Variants in TEKT3 observed in about 807,000 individuals in gnomAD.
The protein encoded by TEKT3 is tektin-3.
TEKT3 carries 49 observed loss-of-function variants against 49.8 expected under a neutral mutation model. That is an observed-to-expected ratio of 0.98 (90% CI 0.78 to 1.25). TEKT3 has a LOEUF of 1.25. Among genes scored for constraint, TEKT3 ranks in the 50% most tolerant of loss-of-function variants. The pLI is 0.00. For missense variants in TEKT3, 595 were observed against 629.5 expected, an observed-to-expected ratio of 0.95 and a Z score of 0.59; for synonymous variants, 225 against 237.2, an observed-to-expected ratio of 0.95 and a Z score of 0.47.
chr17:15,332,514 C>G (rs230906), intron 2 of TEKT3, among the ~76,000 whole-genome samples: 1 of 152,104 alleles, frequency 6.6e-6, no homozygotes, highest in African/African-American at 2.4e-5. Context: ...TGGCAACTCC[C>G]CGCCCCTGCC....
intron 8 of TEKT3, 27 bp downstream of exon 8, chr17:15,308,637 G>A: frequency 6.3e-7 from 1 of 1,593,814 alleles, no homozygotes; most frequent in African/African-American, 1.3e-5. Flanking sequence ...CTCCGAGCGA[G>A]CCCCGAGCCT....
intron 5 of TEKT3, among the ~76,000 whole-genome samples, chr17:15,316,879 T>C (rs1390646212): frequency 1.3e-5 from 2 of 152,186 alleles, no homozygotes; most frequent in African/African-American, 2.4e-5. Context: ...CACCCTCTGA[T>C]CTGGCCTCGG....
intron 3 of TEKT3, among the ~76,000 whole-genome samples, chr17:15,329,130 C>T (rs1342010255): frequency 6.6e-6 from 1 of 152,176 alleles, no homozygotes. Context: ...CTTACGCCAG[C>T]TCTAAATGTC....
chr17:15,330,506 T>C (rs1476789538), intron 3 of TEKT3, among the ~76,000 whole-genome samples: 1 of 152,098 alleles, frequency 6.6e-6, no homozygotes, highest in Non-Finnish European at 1.5e-5. Context: ...CCTCCCCCGT[T>C]CTCTCTTGCC....
rs149951127 is a variant in TEKT3 at position 15,309,480 on chromosome 17, T to C, written c.1102-662A>G. On this transcript the variant is annotated intron_variant, in intron 7 of 8. Transcript: ENST00000395930. ...CCCCTTTGGTTCTCCCTCCTCTTTC[T>C]CTGTAAAGAGAGTCCCTGTCCTATG... is the stretch of plus-strand genomic sequence containing the variant. Among the ~76,000 whole-genome samples, 639 of 152,262 alleles carry C rather than the reference T, an allele frequency of 4.2e-3. 4 individuals are homozygous for C. The highest frequency in any genetic ancestry group is 0.024 in the Middle Eastern group (7 of 292).
chr17:15,325,474 C>A (rs1454268137), intron 4 of TEKT3, among the ~76,000 whole-genome samples: 1 of 151,970 alleles, frequency 6.6e-6, no homozygotes, highest in African/African-American at 2.4e-5. Context: ...TTTACTCTGC[C>A]TAGTCATTAA....
chr17:15,314,015 A>C, intron 6 of TEKT3, 72 bp downstream of exon 6: 1 of 1,602,282 alleles, frequency 6.2e-7, no homozygotes, highest in South Asian at 1.1e-5. Flanking sequence ...TTAACCTGTA[A>C]GCTGTGTCCT....
At chr17:15,330,359 G>T (rs1197564936) in intron 3 of TEKT3, among the ~76,000 whole-genome samples, 2 of 152,154 alleles carry the variant, frequency 1.3e-5, no homozygotes, top group South Asian at 4.1e-4. Context: ...CACAATGTTG[G>T]GGGTGGGGCC....
At chr17:15,334,045 G>A (rs769779004) in intron 2 of TEKT3, among the ~76,000 whole-genome samples, 74 of 151,588 alleles carry the variant, frequency 4.9e-4, no homozygotes, top group Non-Finnish European at 9.4e-4. Context: ...TTACAGGTGT[G>A]AGCCACCACG....
At chr17:15,306,089 A>ATATGTGTG (rs1291765039) in intron 8 of TEKT3, among the ~76,000 whole-genome samples, 14 of 144,314 alleles carry the variant, frequency 9.7e-5, no homozygotes, top group Middle Eastern at 3.3e-3. Flanking sequence ...ATTTATATAT[A>ATATGTGTG]TGTGTGTGTG....
At chr17:15,334,815 G>A (rs538357222) in intron 2 of TEKT3, among the ~76,000 whole-genome samples, 41 of 152,260 alleles carry the variant, frequency 2.7e-4, no homozygotes, top group Admixed American at 4.6e-4. Context: ...CATCACGTGG[G>A]GATGGTTTCA....
intron 4 of TEKT3, among the ~76,000 whole-genome samples, chr17:15,323,159 T>A (rs1330467190): frequency 1.3e-5 from 2 of 152,232 alleles, no homozygotes; most frequent in African/African-American, 2.4e-5. Flanking sequence ...CGCCTTGGAC[T>A]GGACTGGGCT....
At chr17:15,312,850 C>T (rs534997071) in intron 6 of TEKT3, among the ~76,000 whole-genome samples, 1 of 152,230 alleles carries the variant, frequency 6.6e-6, no homozygotes, top group South Asian at 2.1e-4. Flanking sequence ...AAACAGCCTA[C>T]TAAGGAAATA....
intron 5 of TEKT3, among the ~76,000 whole-genome samples, chr17:15,318,238 C>T (rs1012502715): frequency 6.6e-6 from 1 of 152,080 alleles, no homozygotes; most frequent in African/African-American, 2.4e-5. Context: ...ATCTGCCCGC[C>T]CCGGCCTCCC....
Position 15,328,035 on chromosome 17 carries a change from C to A in TEKT3, c.620G>T (p.Gly207Val), listed in dbSNP as rs551283163. 1.9e-6 allele frequency: 3 copies of A among 1,614,080 alleles called. No homozygotes were observed. The highest frequency in any genetic ancestry group is 1.1e-5 in the South Asian group (1 of 91,072). The change falls in exon 4 of 9, where the codon GGA (glycine) becomes GTA (valine). Residue 207 changes from glycine (G) to valine (V), a missense_variant. By Grantham distance (109) the Gly-to-Val change is moderately radical. Coordinates refer to ENST00000395930, the MANE Select transcript of TEKT3 (RefSeq NM_031898.3). ...ECLFHREKRM[G>V]IDLVHDEVEA... ...AACTTCATCGTGAACTAGGTCGATT[C>A]CCATTCTCTTTTCTCGATGAAATAG...
chr17:15,330,266 G>A (rs1911665807), intron 3 of TEKT3, among the ~76,000 whole-genome samples: 1 of 152,196 alleles, frequency 6.6e-6, no homozygotes, highest in Non-Finnish European at 1.5e-5. Flanking sequence ...TGACAGCAAT[G>A]ATGAAGCAGC....
At position 15,329,638 on chromosome 17, in the gene TEKT3, A is replaced by G. The variant is rs116084127; in HGVS notation, c.579+1369T>C. Reference sequence around the variant, plus strand: ...AAAGATCATTAGTGAACTATCAGCCATTCTCAGGATTCCTGGGGATTGTGT... The same window carrying G: ...AAAGATCATTAGTGAACTATCAGCCGTTCTCAGGATTCCTGGGGATTGTGT... On this transcript the variant is annotated intron_variant, in intron 3 of 8. Transcript: ENST00000395930. 3.1e-3 allele frequency among the ~76,000 whole-genome samples: 474 copies of G among 152,320 alleles called. 1 individual carries two copies. The highest frequency in any genetic ancestry group is 0.011 in the African/African-American group (445 of 41,580).
At chr17:15,305,537 GA>G (rs940242903) in intron 8 of TEKT3, among the ~76,000 whole-genome samples, 38 of 152,252 alleles carry the variant, frequency 2.5e-4, no homozygotes, top group African/African-American at 8.7e-4. Flanking sequence ...CACTAGCAAA[GA>G]AATACATCTT....
At chr17:15,342,760 G>A (rs528418741), upstream of TEKT3, among the ~76,000 whole-genome samples, 2 of 152,118 alleles carry the variant, frequency 1.3e-5, no homozygotes, top group Admixed American at 1.3e-4. Context: ...CCCCAAAGAG[G>A]AAAACCACAG....
Sources: allele counts gnomAD v4.1 joint callset (sites outside exome capture counted in the v4.1 genomes callset), GRCh38; gene constraint gnomAD v4.1.1; transcripts MANE v1.5; gene names NCBI Gene and HGNC (gene_info 2026-07-23, HGNC 2026-07-21).